The following LMOD2 variants were observed in gnomAD, a reference collection of about 807,000 sequenced individuals.
LMOD2 encodes the protein leiomodin 2.
LMOD2 carries 27 observed loss-of-function variants against 41.7 expected under a neutral mutation model. The observed-to-expected ratio is 0.65, with a 90% CI of 0.48 to 0.89. The LOEUF (loss-of-function observed/expected upper bound fraction) is 0.89, where lower values mean the gene tolerates loss of function less well. Ranked by LOEUF, LMOD2 falls within the 40% of genes least tolerant of loss-of-function variation. LMOD2 has a pLI of 0.00. For missense variants in LMOD2, 624 were observed against 667.9 expected, an observed-to-expected ratio of 0.93 and a Z score of 0.72; for synonymous variants, 251 against 244.6, an observed-to-expected ratio of 1.03 and a Z score of -0.25.
intron 1 of LMOD2, among the ~76,000 whole-genome samples, chr7:123,657,380 T>C (rs1802804657): frequency 6.6e-6 from 1 of 152,198 alleles, no homozygotes; most frequent in Admixed American, 6.5e-5. Context: ...TCTAGGGCTG[T>C]TAGATGATCT....
intron 1 of LMOD2, 64 bp downstream of exon 1, chr7:123,656,300 C>T (rs1422476964): frequency 1.3e-6 from 2 of 1,482,050 alleles, no homozygotes. Flanking sequence ...CAAACCCAGA[C>T]ACTTGTTTTC....
chr7:123,662,278 G>A lies in LMOD2; in HGVS notation c.692G>A (p.Arg231His), dbSNP rs752713569. The change falls in exon 2 of 3, where the codon CGC becomes CAC. Residue 231 changes from arginine (R) to histidine (H), a missense_variant. Transcript: ENST00000458573. The surrounding 1 kb of genome is among the most constrained non-coding windows in gnomAD (Gnocchi z 4.0). ...AACATCACAACACAGACCCTTACCC[G>A]CTTTGCTGAAGCCCTCAAGGACAAC... ...IENITTQTLT[R>H]FAEALKDNTV... The A allele has an allele frequency of 7.4e-6, 12 of 1,613,882 alleles. No homozygotes were observed. The highest frequency in any genetic ancestry group is 5.0e-5 in the Admixed American group (3 of 60,002).
chr7:123,657,811 C>CAAAAAAAAAA (rs1009900124), intron 1 of LMOD2, among the ~76,000 whole-genome samples: 4 of 36,004 alleles, frequency 1.1e-4, no homozygotes, highest in African/African-American at 3.8e-4. Flanking sequence ...CTCATCTCTA[C>CAAAAAAAAAA]AAAAAAAAAA....
Position 123,662,402 on chromosome 7 carries a change from C to T in LMOD2, c.816C>T (p.Asn272=), listed in dbSNP as rs371407041. 3.4e-5 allele frequency: 55 copies of T among 1,613,844 alleles called. No individual in the cohort carries two copies. Among genetic ancestry groups the T allele is most frequent in the Non-Finnish European group, 4.4e-5 (52 of 1,179,890 alleles). The part of the protein sequence containing the change: ...EMLKVNEHIT[N]VNVESNFITG... ...TCAAAGTCAATGAGCACATCACCAA[C>T]GTAAACGTCGAGTCCAACTTCATAA... The change falls in exon 2 of 3, where the codon AAC becomes AAT. Residue 272 remains asparagine (N), a synonymous_variant. Coordinates refer to ENST00000458573, the MANE Select transcript of LMOD2 (RefSeq NM_207163.3). The surrounding 1 kb of genome is among the most constrained non-coding windows in gnomAD (Gnocchi z 4.0).
chr7:123,659,725 C>G (rs150207004), intron 1 of LMOD2, among the ~76,000 whole-genome samples: 1 of 152,248 alleles, frequency 6.6e-6, no homozygotes, highest in African/African-American at 2.4e-5. Flanking sequence ...AAACAAGTGA[C>G]CAAAATAAAG....
chr7:123,660,281 TC>T (rs1802853083), intron 1 of LMOD2, among the ~76,000 whole-genome samples: 2 of 145,566 alleles, frequency 1.4e-5, no homozygotes, highest in Non-Finnish European at 3.0e-5. Context: ...AACATTTCTC[TC>T]TCTTTCTCTC....
chr7:123,659,365 C>T (rs1051779970), intron 1 of LMOD2, among the ~76,000 whole-genome samples: 1 of 152,118 alleles, frequency 6.6e-6, no homozygotes, highest in Non-Finnish European at 1.5e-5. Flanking sequence ...ATAAAGTAAG[C>T]GAAGTCTGTT....
Position 123,662,315 on chromosome 7 carries a change from G to C in LMOD2, c.729G>C (p.Lys243Asn). The change falls in exon 2 of 3, where the codon AAG becomes AAC. Residue 243 changes from lysine (K) to asparagine (N), a missense_variant. Transcript: ENST00000458573. The surrounding 1 kb of genome is among the most constrained non-coding windows in gnomAD (Gnocchi z 4.0). ...CCCTCAAGGACAACACTGTGGTGAAGACGTTCAGTCTGGCCAACACGCATG... is the reference window on the plus strand; with the variant it reads ...CCCTCAAGGACAACACTGTGGTGAACACGTTCAGTCTGGCCAACACGCATG... ...AEALKDNTVV[K>N]TFSLANTHAD... 1 of 1,614,000 alleles carries C rather than the reference G, an allele frequency of 6.2e-7. No individual in the cohort carries two copies.
At chr7:123,660,502 A>T (rs1802860692) in intron 1 of LMOD2, among the ~76,000 whole-genome samples, 1 of 152,054 alleles carries the variant, frequency 6.6e-6, no homozygotes. Context: ...ATTTTGTGAT[A>T]GCAACTGGGC....
rs1166894102 is a variant in LMOD2 at position 123,663,641 on chromosome 7, G to A, written c.1618-78G>A. 7 of 1,221,132 alleles carry A rather than the reference G, an allele frequency of 5.7e-6. No homozygotes were observed. The East Asian group carries it at 1.5e-4, about 26-fold the overall frequency. 75.6% of individuals were successfully genotyped at this position (1,221,132 alleles called of 1,614,324 possible). A position where few individuals can be genotyped will look rare whatever the true frequency, so the allele number is the denominator to read the frequency against. On this transcript the variant is annotated intron_variant, in intron 2 of 2. Transcript: ENST00000458573. Reference sequence around the variant, plus strand: ...ACCTGAGTTCTTCTCAGAGGATACTGCTAGAGACATATCCTACAGATATTT... The same window carrying A: ...ACCTGAGTTCTTCTCAGAGGATACTACTAGAGACATATCCTACAGATATTT...
chr7:123,663,296 T>C, intron 2 of LMOD2, 93 bp downstream of exon 2: 1 of 1,382,662 alleles, frequency 7.2e-7, no homozygotes, highest in Non-Finnish European at 9.7e-7. Context: ...CTCACAATAC[T>C]TATCAATACT....
At chr7:123,660,744 T>G (rs1562951051) in intron 1 of LMOD2, among the ~76,000 whole-genome samples, 1 of 151,546 alleles carries the variant, frequency 6.6e-6, no homozygotes. Flanking sequence ...TTTTTTTTTT[T>G]AATCAGAAAA....
Position 123,660,981 on chromosome 7 carries a change from C to T in LMOD2, c.274-879C>T, listed in dbSNP as rs563024088. 3.3e-5 allele frequency among the ~76,000 whole-genome samples: 5 copies of T among 152,248 alleles called. No individual in the cohort carries two copies. In the South Asian group the frequency reaches 1.0e-3, roughly 32 times the overall value. On this transcript the variant is annotated intron_variant, in intron 1 of 2. Transcript: ENST00000458573. ...TTACTGATTAGAATCTAGTGGATGC[C>T]AAGGGTGATTATCTTTCCCACCTGG...
intron 1 of LMOD2, among the ~76,000 whole-genome samples, chr7:123,657,667 ACT>A (rs1331511705): frequency 2.0e-5 from 3 of 151,684 alleles, no homozygotes; most frequent in Non-Finnish European, 4.4e-5. Context: ...ATTATTTAAA[ACT>A]CTCTTTAATA....
At chr7:123,661,818 T>G in intron 1 of LMOD2, 42 bp from the exon 2 acceptor site, 2 of 1,289,348 alleles carry the variant, frequency 1.6e-6, no homozygotes, top group Non-Finnish European at 2.1e-6. Context: ...TTAAAAATGG[T>G]ATCATTTTTA....
At chr7:123,656,509 G>A (rs1040057666) in intron 1 of LMOD2, among the ~76,000 whole-genome samples, 2 of 152,134 alleles carry the variant, frequency 1.3e-5, no homozygotes, top group Non-Finnish European at 2.9e-5. Context: ...TCAGTGTATG[G>A]GATTCAATAT....
Position 123,656,090 on chromosome 7 carries a change from G to C in LMOD2, c.127G>C (p.Asp43His), listed in dbSNP as rs926537061. 2.5e-6 allele frequency: 4 copies of C among 1,611,744 alleles called. No individual in the cohort carries two copies. In the African/African-American group the frequency reaches 5.3e-5, roughly 22 times the overall value. The change falls in exon 1 of 3, where the codon GAC becomes CAC. Residue 43 changes from aspartate (D) to histidine (H), a missense_variant. Transcript: ENST00000458573. The part of the protein sequence containing the change: ...LERELEDIEP[D>H]RNLPVGLRQK... ...GAGAGAGTTGGAAGACATTGAACCTGACCGCAACCTTCCCGTGGGGCTAAG... is the reference window on the plus strand; with the variant it reads ...GAGAGAGTTGGAAGACATTGAACCTCACCGCAACCTTCCCGTGGGGCTAAG...
Position 123,663,370 on chromosome 7 carries a change from G to T in LMOD2, c.1617+167G>T, listed in dbSNP as rs532752868. ...TGAAACATTAGGAGCAGGCACACAA[G>T]TGAGCACATTTCTATTTGAGAGGAA... On this transcript the variant is annotated intron_variant, in intron 2 of 2. Coordinates refer to ENST00000458573, the MANE Select transcript of LMOD2 (RefSeq NM_207163.3). 1.6e-5 allele frequency: 14 copies of T among 861,858 alleles called. No individual in the cohort carries two copies. In the African/African-American group the frequency reaches 1.7e-4, roughly 11 times the overall value. The allele number at this position is 861,858 out of a possible 1,614,324, so 53.4% of individuals were successfully genotyped here. A position where few individuals can be genotyped will look rare whatever the true frequency, so the allele number is the denominator to read the frequency against.
rs758325342 is a variant in LMOD2, at chr7:123,662,290, C to T, written c.704C>T (p.Ala235Val). Residue 235 changes from alanine (A) to valine (V), a missense_variant, in exon 2 of 3, where the codon GCC becomes GTC. Transcript: ENST00000458573. The surrounding 1 kb of genome is among the most constrained non-coding windows in gnomAD (Gnocchi z 4.0). ...TTQTLTRFAE[A>V]LKDNTVVKTF... ...CAGACCCTTACCCGCTTTGCTGAAG[C>T]CCTCAAGGACAACACTGTGGTGAAG... 1.9e-6 allele frequency: 3 copies of T among 1,614,022 alleles called. No individual in the cohort carries two copies. Among genetic ancestry groups the T allele is most frequent in the Non-Finnish European group, 2.5e-6 (3 of 1,179,894 alleles).
Sources: gnomAD v4.1 joint callset for allele counts (sites outside exome capture counted in the v4.1 genomes callset) on GRCh38, gnomAD v4.1.1 for gene constraint, Gnocchi (gnomAD v3.1) non-coding constraint, MANE v1.5 for transcripts, NCBI Gene and HGNC (gene_info 2026-07-23, HGNC 2026-07-21) for gene names.